Variants in ZNF593 observed in about 807,000 individuals in gnomAD.
The protein encoded by ZNF593 is BUD20 homolog.
ZNF593 carries 18 observed loss-of-function variants against 12.9 expected under a neutral mutation model. The ratio of observed to expected loss-of-function variants is 1.40; its 90% CI spans 0.96 to 2.07. The LOEUF is 2.07. Among genes scored for constraint, ZNF593 ranks in the 30% most tolerant of loss-of-function variants. The pLI is 0.00. For missense variants in ZNF593, 198 were observed against 186.7 expected, an observed-to-expected ratio of 1.06 and a Z score of -0.35; for synonymous variants, 79 against 79.9, an observed-to-expected ratio of 0.99 and a Z score of 0.06.
At chr1:26,170,332 C>G (rs945093175) in intron 1 of ZNF593, 86 bp from the exon 2 acceptor site, 15 of 1,534,494 alleles carry the variant, frequency 9.8e-6, no homozygotes, top group Non-Finnish European at 1.3e-5. Flanking sequence ...CGGATCCTGG[C>G]GTCAGGGACA....
At chr1:26,170,376 AC>A (rs2088477560) in intron 1 of ZNF593, 41 bp from the exon 2 acceptor site, 1 of 1,593,504 alleles carries the variant, frequency 6.3e-7, no homozygotes, top group Non-Finnish European at 8.6e-7. Flanking sequence ...CACTTGGGAG[AC>A]TATCACCTCC....
intron 1 of ZNF593, 45 bp downstream of exon 1, chr1:26,170,228 G>A: frequency 6.3e-7 from 1 of 1,581,270 alleles, no homozygotes; most frequent in Admixed American, 1.8e-5. Flanking sequence ...AGGGTCCGCG[G>A]TACCGGCCGG....
intron 1 of ZNF593, 98 bp from the exon 2 acceptor site, chr1:26,170,320 C>T: frequency 6.5e-7 from 1 of 1,533,990 alleles, no homozygotes. Context: ...GTTTCTCAGA[C>T]CCGGATCCTG....
At position 26,170,108 on chromosome 1, in the gene ZNF593, G is replaced by A; in HGVS notation, c.125G>A (p.Arg42Gln). Residue 42 changes from arginine (R) to glutamine (Q), a missense_variant, in exon 1 of 3, where the codon CGA becomes CAA. By Grantham distance (43) the Arg-to-Gln change is conservative. Coordinates refer to ENST00000374266, the MANE Select transcript of ZNF593 (RefSeq NM_015871.5). ...HRELRPQGSARPQPDPNAEFD... is the reference protein window; with the variant it reads ...HRELRPQGSAQPQPDPNAEFD... Reference sequence around the variant, plus strand: ...GAGCTGCGGCCTCAGGGATCCGCACGACCCCAGCCCGACCCAAACGCCGAG... The same window carrying A: ...GAGCTGCGGCCTCAGGGATCCGCACAACCCCAGCCCGACCCAAACGCCGAG... 1 of 1,570,394 alleles carries A rather than the reference G, an allele frequency of 6.4e-7. No homozygotes were observed. Among genetic ancestry groups the A allele is most frequent in the African/African-American group, 1.3e-5 (1 of 74,144 alleles).
In ZNF593 at chr1:26,169,924, C is replaced by T; in HGVS notation, c.-60C>T. On this transcript the variant is annotated 5_prime_UTR_variant, in exon 1 of 3. Transcript: ENST00000374266. ...GACGTAGCTGATCGGCCCGGAAGTG[C>T]TCACACGTGTGCTCCCTGCCCTGCT... is the stretch of plus-strand genomic sequence containing the variant. 3 of 1,473,292 alleles carry T rather than the reference C, an allele frequency of 2.0e-6. No individual in the cohort carries two copies. The highest frequency in any genetic ancestry group is 2.7e-6 in the Non-Finnish European group (3 of 1,112,846). 91.3% of individuals were successfully genotyped at this position (1,473,292 alleles called of 1,614,324 possible). A position where few individuals can be genotyped will look rare whatever the true frequency, so the allele number is the denominator to read the frequency against.
chr1:26,170,520 A>G, intron 2 of ZNF593, 40 bp downstream of exon 2: 2 of 1,614,206 alleles, frequency 1.2e-6, no homozygotes, highest in Non-Finnish European at 1.7e-6. Context: ...ATGGGTGCTC[A>G]GCAGATAGGG....
rs893110159 is a variant in ZNF593 at position 26,170,794 on chromosome 1, C to T, written c.*78C>T. ...ACTAGGCTGGGAGGGAGCGTGCCAA[C>T]CCCTTTTGCCTCTGGGTTTGGGGAG... On this transcript the variant is annotated 3_prime_UTR_variant, in exon 3 of 3. Coordinates refer to ENST00000374266, the MANE Select transcript of ZNF593 (RefSeq NM_015871.5). 1.8e-4 allele frequency: 279 copies of T among 1,521,720 alleles called. 1 individual carries two copies. Among genetic ancestry groups the T allele is most frequent in the Non-Finnish European group, 1.7e-5 (19 of 1,140,150 alleles). The allele number at this position is 1,521,720 out of a possible 1,614,324, so 94.3% of individuals were successfully genotyped here. A position where few individuals can be genotyped will look rare whatever the true frequency, so the allele number is the denominator to read the frequency against.
intron 1 of ZNF593, 32 bp from the exon 2 acceptor site, chr1:26,170,386 C>T (rs771627071): frequency 4.3e-5 from 69 of 1,601,120 alleles, no homozygotes; most frequent in Non-Finnish European, 5.7e-5. Context: ...ACTATCACCT[C>T]CTCACTCTCC....
intron 1 of ZNF593, 28 bp downstream of exon 1, chr1:26,170,211 G>T (rs1460885901): frequency 6.3e-7 from 1 of 1,578,078 alleles, no homozygotes; most frequent in Non-Finnish European, 8.6e-7. Context: ...CCGGCCTGGG[G>T]CGGAGGAGGG....
intron 2 of ZNF593, 42 bp downstream of exon 2, chr1:26,170,522 C>T (rs1414537040): frequency 6.2e-7 from 1 of 1,614,040 alleles, no homozygotes; most frequent in Admixed American, 1.7e-5. Flanking sequence ...GGGTGCTCAG[C>T]AGATAGGGCT....
rs1322422104 is a variant in ZNF593 at position 26,170,164 on chromosome 1, C to T, written c.181C>T (p.His61Tyr). 2 of 1,570,922 alleles carry T rather than the reference C, an allele frequency of 1.3e-6. No individual in the cohort carries two copies. Among genetic ancestry groups the T allele is most frequent in the Non-Finnish European group, 8.6e-7 (1 of 1,161,408 alleles). The change falls in exon 1 of 3, where the codon CAC (histidine) becomes TAC (tyrosine). Residue 61 changes from histidine (H) to tyrosine (Y), a missense_variant. Physicochemically the swap from His to Tyr is moderately conservative, Grantham distance 83. Coordinates refer to ENST00000374266, the MANE Select transcript of ZNF593 (RefSeq NM_015871.5). ...CCCCGACCTGCCAGGGGGCGGTCTG[C>T]ACCGCTGTCTGGCCTGCGCGTGAGT... is the stretch of plus-strand genomic sequence containing the variant. ...FDPDLPGGGLHRCLACARYFI... is the reference protein window; with the variant it reads ...FDPDLPGGGLYRCLACARYFI...
At position 26,170,819 on chromosome 1, in the gene ZNF593, G is replaced by A. The variant is rs2088488874; in HGVS notation, c.*103G>A. ...CCCCTTTTGCCTCTGGGTTTGGGGAGCGGAGGGCCTCTTCTTGGTGCCCTG... is the reference window on the plus strand; with the variant it reads ...CCCCTTTTGCCTCTGGGTTTGGGGAACGGAGGGCCTCTTCTTGGTGCCCTG... On this transcript the variant is annotated 3_prime_UTR_variant, in exon 3 of 3. Transcript: ENST00000374266. The A allele has an allele frequency of 2.8e-6, 4 of 1,434,246 alleles. No individual in the cohort carries two copies. Among genetic ancestry groups the A allele is most frequent in the Non-Finnish European group, 3.7e-6 (4 of 1,075,722 alleles). The allele number at this position is 1,434,246 out of a possible 1,614,324, so 88.8% of individuals were successfully genotyped here. A position where few individuals can be genotyped will look rare whatever the true frequency, so the allele number is the denominator to read the frequency against.
rs919559605 is a variant in ZNF593 at position 26,170,663 on chromosome 1, G to A, written c.352G>A (p.Ala118Thr). ...ATCCTATGTGCCCCCCAGGCGGCTG[G>A]CAGTGCCCACGGAAGTGTCCACTGA... Reference protein sequence around the residue: ...MGSYVPPRRLAVPTEVSTEVP... With the variant: ...MGSYVPPRRLTVPTEVSTEVP... Residue 118 changes from alanine to threonine, a missense_variant, in exon 3 of 3, where the codon GCA becomes ACA. Transcript: ENST00000374266. The A allele has an allele frequency of 6.2e-7, 1 of 1,611,642 alleles. No homozygotes were observed. Among genetic ancestry groups the A allele is most frequent in the Middle Eastern group, 1.7e-4 (1 of 6,060 alleles).
At position 26,170,607 on chromosome 1, in the gene ZNF593, A is replaced by G; in HGVS notation, c.296A>G (p.Gln99Arg). The change falls in exon 3 of 3, where the codon CAG becomes CGG. Residue 99 changes from glutamine (Q) to arginine (R), a missense_variant. Transcript: ENST00000374266. ...CAGCTGAGCGTCGAGCCCTACAGTC[A>G]GGAAGAGGCGGAGAGGGCAGCGGGT... ...LKQLSVEPYS[Q>R]EEAERAAGMG... 3 of 1,613,726 alleles carry G rather than the reference A, an allele frequency of 1.9e-6. No homozygotes were observed. Among genetic ancestry groups the G allele is most frequent in the Middle Eastern group, 3.3e-4 (2 of 6,062 alleles).
intron 1 of ZNF593, 115 bp from the exon 2 acceptor site, chr1:26,170,303 G>T: frequency 5.3e-6 from 8 of 1,523,474 alleles, no homozygotes; most frequent in Non-Finnish European, 7.1e-6. Context: ...GGGTCCGCCC[G>T]CCTCCCGTTT....
At chr1:26,170,316 C>G in intron 1 of ZNF593, 102 bp from the exon 2 acceptor site, 1 of 1,531,772 alleles carries the variant, frequency 6.5e-7, no homozygotes, top group Non-Finnish European at 8.8e-7. Flanking sequence ...TCCCGTTTCT[C>G]AGACCCGGAT....
At chr1:26,170,316 C>A in intron 1 of ZNF593, 102 bp from the exon 2 acceptor site, 1 of 1,531,770 alleles carries the variant, frequency 6.5e-7, no homozygotes, top group Non-Finnish European at 8.8e-7. Context: ...TCCCGTTTCT[C>A]AGACCCGGAT....
chr1:26,170,513 G>C, intron 2 of ZNF593, 33 bp downstream of exon 2: 1 of 1,614,160 alleles, frequency 6.2e-7, no homozygotes, highest in Non-Finnish European at 8.5e-7. Context: ...TTGATGGATG[G>C]GTGCTCAGCA....
rs2088466677 is a variant in ZNF593 at position 26,169,910 on chromosome 1, T to G, written c.-74T>G. 7.1e-7 allele frequency: 1 copy of G among 1,402,622 alleles called. No homozygotes were observed. Among genetic ancestry groups the G allele is most frequent in the Non-Finnish European group, 9.3e-7 (1 of 1,073,510 alleles). 86.9% of individuals were successfully genotyped at this position (1,402,622 alleles called of 1,614,324 possible). ...CCCCGGCGTGGCCTGACGTAGCTGA[T>G]CGGCCCGGAAGTGCTCACACGTGTG... On this transcript the variant is annotated 5_prime_UTR_variant, in exon 1 of 3. Transcript: ENST00000374266.
Sources: allele counts gnomAD v4.1 joint callset, GRCh38; gene constraint gnomAD v4.1.1; transcripts MANE v1.5; gene names NCBI Gene and HGNC (gene_info 2026-07-23, HGNC 2026-07-21).